PCDHA5: variants seen among roughly 807,000 people sequenced by gnomAD.
The protein encoded by PCDHA5 is protocadherin alpha 5.
Under a neutral mutation model 61.6 loss-of-function variants are expected in PCDHA5, and 43 were observed. The observed-to-expected ratio is 0.70, with a 90% CI of 0.55 to 0.90. The LOEUF is 0.90. Among genes scored for constraint, PCDHA5 ranks in the 40% least tolerant of loss-of-function variants. PCDHA5 has a pLI of 0.00. For synonymous variants in PCDHA5, 627 were observed against 543.9 expected (o/e 1.15, Z -2.13); for missense variants, 1,298 against 1,222.7 (o/e 1.06, Z -0.92).
In PCDHA5 at chr5:140,842,902, G is replaced by A. The variant is rs2150347537; in HGVS notation, c.2352+18775G>A. The A allele has an allele frequency of 2.1e-5, 34 of 1,594,288 alleles. 5 individuals carry two copies. Among genetic ancestry groups the A allele is most frequent in the African/African-American group, 2.7e-5 (2 of 74,330 alleles). On this transcript the variant is annotated intron_variant, in intron 1 of 3. Coordinates refer to ENST00000529859, the MANE Select transcript of PCDHA5 (RefSeq NM_018908.3). ...CGCTGCAGCCGCTGGACCACGAGGA[G>A]CTAGAGCTGCTGCAGTTCCAGGTGA...
At chr5:140,987,432 T>G (rs1401623974) in intron 3 of PCDHA5, among the ~76,000 whole-genome samples, 1 of 152,152 alleles carries the variant, frequency 6.6e-6, no homozygotes, top group Non-Finnish European at 1.5e-5. Flanking sequence ...GCAGGGGGCC[T>G]TTCCCCATGC....
intron 1 of PCDHA5, chr5:140,969,187 G>A (rs1469342094): frequency 1.2e-6 from 2 of 1,614,106 alleles, no homozygotes; most frequent in Non-Finnish European, 8.5e-7. Context: ...ACACTTTCAT[G>A]TTTTACAATA....
intron 1 of PCDHA5, among the ~76,000 whole-genome samples, chr5:140,974,521 G>GT (rs1223492348): frequency 3.0e-4 from 45 of 152,208 alleles, no homozygotes; most frequent in African/African-American, 1.0e-3. Flanking sequence ...TTTTATTTTA[G>GT]TTTTTTTGAG....
In PCDHA5 at chr5:140,852,586, T is replaced by TTA. The variant is rs1554145914; in HGVS notation, c.2352+28460_2352+28461insAT. On this transcript the variant is annotated intron_variant, in intron 1 of 3. Transcript: ENST00000529859. ...CCACTGTGCCAAGGCTTTTTTATTTTTTTTTTTTGTCATTTTCTTTCAAAA... is the reference window on the plus strand; with the variant it reads ...CCACTGTGCCAAGGCTTTTTTATTTTTATTTTTTTTGTCATTTTCTTTCAAAA... 25 of 878,568 alleles carry TTA rather than the reference T, an allele frequency of 2.8e-5. 1 individual carries two copies. The highest frequency in any genetic ancestry group is 1.3e-4 in the Admixed American group (2 of 15,686). 54.4% of individuals were successfully genotyped at this position (878,568 alleles called of 1,614,324 possible).
rs79396364 is a variant in PCDHA5 at position 140,939,917 on chromosome 5, T to C, written c.2353-39032T>C. On this transcript the variant is annotated intron_variant, in intron 1 of 3. Transcript: ENST00000529859. ...TATTCTGCATTCTTTTTTATTCTTT[T>C]TGTTTGCTTATTTTATCAGTTACTG... is the stretch of plus-strand genomic sequence containing the variant. Among the ~76,000 whole-genome samples, 828 of 152,316 alleles carry C rather than the reference T, an allele frequency of 5.4e-3. 3 individuals carry two copies. The highest frequency in any genetic ancestry group is 0.019 in the African/African-American group (797 of 41,560).
chr5:140,898,147 C>T (rs2066556304), intron 1 of PCDHA5, among the ~76,000 whole-genome samples: 1 of 152,150 alleles, frequency 6.6e-6, no homozygotes, highest in African/African-American at 2.4e-5. Flanking sequence ...GTTGCCTGTT[C>T]ACGCTGATGG....
Position 140,823,362 on chromosome 5 carries a change from G to A in PCDHA5, c.1587G>A (p.Leu529=). ...LQPLDHEEVE[L]LQFQVSARDA... The stretch of plus-strand genomic sequence containing the variant: ...CGCTGGACCACGAGGAAGTGGAGCT[G>A]CTGCAGTTCCAGGTGAGCGCGCGCG... Residue 529 remains leucine, a synonymous_variant, in exon 1 of 4, where the codon CTG becomes CTA. Transcript: ENST00000529859. 1 of 1,612,752 alleles carries A rather than the reference G, an allele frequency of 6.2e-7. No individual in the cohort carries two copies. The highest frequency in any genetic ancestry group is 1.1e-5 in the South Asian group (1 of 91,028).
chr5:140,858,733 C>A (rs984187341), intron 1 of PCDHA5: 4 of 475,092 alleles, frequency 8.4e-6, no homozygotes, highest in African/African-American at 8.1e-5. Context: ...TGACGATTTA[C>A]TTTCATAATC....
intron 1 of PCDHA5, chr5:140,877,875 C>A: frequency 6.8e-7 from 1 of 1,475,090 alleles, no homozygotes; most frequent in Non-Finnish European, 9.0e-7. Context: ...TATTTGTTTC[C>A]TTGAAGAACT....
chr5:140,840,708 C>T (rs1776833354), intron 1 of PCDHA5, among the ~76,000 whole-genome samples: 1 of 151,964 alleles, frequency 6.6e-6, no homozygotes, highest in African/African-American at 2.4e-5. Flanking sequence ...GGCAATTTGA[C>T]ATTTATTGAA....
At chr5:140,893,548 C>T (rs2064047739) in intron 1 of PCDHA5, among the ~76,000 whole-genome samples, 1 of 152,126 alleles carries the variant, frequency 6.6e-6, no homozygotes, top group Non-Finnish European at 1.5e-5. Flanking sequence ...TAGGACTTAT[C>T]TAGTTGTAGT....
At chr5:140,824,515 G>T in intron 1 of PCDHA5, 1 of 226,310 alleles carries the variant, frequency 4.4e-6, no homozygotes, top group Non-Finnish European at 8.5e-6. Context: ...GCAGTGATCT[G>T]ATCATAGCTC....
At chr5:140,974,815 A>G (rs990559310) in intron 1 of PCDHA5, among the ~76,000 whole-genome samples, 3 of 152,188 alleles carry the variant, frequency 2.0e-5, no homozygotes, top group Non-Finnish European at 4.4e-5. Context: ...GAAGACCAAT[A>G]TGCAACATAA....
intron 1 of PCDHA5, chr5:140,968,785 T>G: frequency 6.2e-7 from 1 of 1,614,226 alleles, no homozygotes; most frequent in Non-Finnish European, 8.5e-7. Flanking sequence ...TATCAGCCTC[T>G]GTGGCCATTA....
In PCDHA5 at chr5:140,822,819, G is replaced by C; in HGVS notation, c.1044G>C (p.Glu348Asp). The change falls in exon 1 of 4, where the codon GAG becomes GAC. Residue 348 changes from glutamate (E) to aspartate (D), a missense_variant. Transcript: ENST00000529859. ...TGGATGTGAATGATAATACCCCAGAGATGGCCATAACCACCCTTTTCCTGC... is the reference window on the plus strand; with the variant it reads ...TGGATGTGAATGATAATACCCCAGACATGGCCATAACCACCCTTTTCCTGC... ...KLLDVNDNTP[E>D]MAITTLFLPV... 6.2e-7 allele frequency: 1 copy of C among 1,614,174 alleles called. No individual in the cohort carries two copies. Among genetic ancestry groups the C allele is most frequent in the South Asian group, 1.1e-5 (1 of 91,082 alleles).
At position 140,898,329 on chromosome 5, in the gene PCDHA5, C is replaced by T. The variant is rs13158044; in HGVS notation, c.2352+74202C>T. Among the ~76,000 whole-genome samples the T allele has an allele frequency of 3.9e-5, 6 of 152,232 alleles. No homozygotes were observed. The East Asian group carries it at 7.7e-4, about 20-fold the overall frequency. On this transcript the variant is annotated intron_variant, in intron 1 of 3. Transcript: ENST00000529859. ...AGGGTTTTTATGGTTTTGGGTCTAA[C>T]GTTTAAGTCTTTAATCCATCTTGAA...
rs2150464211 is a variant in PCDHA5 at position 140,850,028 on chromosome 5, C to T, written c.2352+25901C>T. 1.0e-5 allele frequency: 16 copies of T among 1,596,676 alleles called. 1 individual carries two copies. Among genetic ancestry groups the T allele is most frequent in the East Asian group, 2.2e-5 (1 of 44,848 alleles). On this transcript the variant is annotated intron_variant, in intron 1 of 3. Coordinates refer to ENST00000529859, the MANE Select transcript of PCDHA5 (RefSeq NM_018908.3). The stretch of plus-strand genomic sequence containing the variant: ...CGCTGTCGAGCTACGTGTCAGTGCA[C>T]GCGGAGAGCGGCAAGGTGTACGCGC...
rs201890234 is a variant in PCDHA5, at chr5:140,842,178, A to C, written c.2352+18051A>C. ...TCATATTCTTTTAATAGCCTTGTTG[A>C]AACTATGGTTATTGACCACTTTAGC... On this transcript the variant is annotated intron_variant, in intron 1 of 3. Transcript: ENST00000529859. 3.1e-4 allele frequency: 494 copies of C among 1,613,248 alleles called. 6 individuals are homozygous for C. Among genetic ancestry groups the C allele is most frequent in the African/African-American group, 2.3e-3 (170 of 74,856 alleles).
At chr5:140,834,435 A>T (rs2150217910) in intron 1 of PCDHA5, 2 of 1,607,790 alleles carry the variant, frequency 1.2e-6, no homozygotes, top group East Asian at 2.2e-5. Context: ...ACTGCTGTTT[A>T]TTATAATTCT....
Sources: allele counts gnomAD v4.1 joint callset (sites outside exome capture counted in the v4.1 genomes callset), GRCh38; gene constraint gnomAD v4.1.1; transcripts MANE v1.5; gene names NCBI Gene and HGNC (gene_info 2026-07-23, HGNC 2026-07-21).